The following FGGY variants were observed in gnomAD, a reference collection of about 807,000 sequenced individuals.
The protein encoded by FGGY is FGGY carbohydrate kinase domain-containing protein.
FGGY carries 72 observed loss-of-function variants against 71.3 expected under a neutral mutation model. That is an observed-to-expected ratio of 1.01 (90% CI 0.84 to 1.23). The LOEUF (loss-of-function observed/expected upper bound fraction) is 1.23, where lower values mean the gene tolerates loss of function less well. Ranked by LOEUF, FGGY falls within the 50% of genes most tolerant of loss-of-function variation. The pLI is 0.00. For missense variants in FGGY, 668 were observed against 682.3 expected (o/e 0.98, Z 0.23); for synonymous variants, 251 against 250.3 (o/e 1.00, Z -0.02).
intron 8 of FGGY, among the ~76,000 whole-genome samples, chr1:59,557,996 T>A (rs1473193416): frequency 6.6e-6 from 1 of 152,180 alleles, no homozygotes; most frequent in Admixed American, 6.5e-5. Context: ...TGGTTCTCTA[T>A]CATTGAAGGG....
At chr1:59,473,688 T>C (rs115935755) in intron 6 of FGGY, among the ~76,000 whole-genome samples, 41 of 152,236 alleles carry the variant, frequency 2.7e-4, no homozygotes, top group Admixed American at 5.9e-4. Flanking sequence ...TGATGGAACT[T>C]CTAACTTTCC....
intron 14 of FGGY, among the ~76,000 whole-genome samples, chr1:59,738,205 C>A (rs2098121241): frequency 6.6e-6 from 1 of 152,160 alleles, no homozygotes; most frequent in African/African-American, 2.4e-5. Context: ...GCTGCAAACA[C>A]AAAGAAGCAG....
At chr1:59,726,147 A>AT (rs990822264) in intron 14 of FGGY, among the ~76,000 whole-genome samples, 1 of 151,978 alleles carries the variant, frequency 6.6e-6, no homozygotes, top group Non-Finnish European at 1.5e-5. Context: ...TGATTGTTAG[A>AT]TTTTTTTGAA....
chr1:59,644,066 C>A (rs555766383), intron 11 of FGGY, among the ~76,000 whole-genome samples: 2 of 152,312 alleles, frequency 1.3e-5, no homozygotes, highest in South Asian at 4.1e-4. Flanking sequence ...TGACCACCAA[C>A]CTTGTGGCTT....
intron 14 of FGGY, among the ~76,000 whole-genome samples, chr1:59,736,922 G>T (rs2101105083): frequency 1.3e-5 from 2 of 152,352 alleles, no homozygotes; most frequent in Admixed American, 1.3e-4. Context: ...CAGGCCTGGA[G>T]GCTTAGGAGG....
At chr1:59,712,279 C>T (rs1042197177) in intron 14 of FGGY, among the ~76,000 whole-genome samples, 3 of 152,152 alleles carry the variant, frequency 2.0e-5, no homozygotes, top group African/African-American at 7.2e-5. Context: ...GCAGCTCTGC[C>T]CCTGTGGTTT....
Position 59,762,683 on chromosome 1 carries a change from A to G in FGGY, c.*99A>G. On this transcript the variant is annotated 3_prime_UTR_variant, in exon 16 of 16. Coordinates refer to ENST00000303721, the MANE Select transcript of FGGY (RefSeq NM_018291.5). ...AAGACCCTTGAGGTATTGTTTCATC[A>G]TTTCTGTATTGTCTTTCAATAAAGA... 1.2e-6 allele frequency: 1 copy of G among 833,180 alleles called. No homozygotes were observed. Among genetic ancestry groups the G allele is most frequent in the South Asian group, 1.6e-5 (1 of 61,224 alleles). The allele number at this position is 833,180 out of a possible 1,614,324, so 51.6% of individuals were successfully genotyped here.
chr1:59,518,258 A>G (rs1295004933), intron 7 of FGGY, among the ~76,000 whole-genome samples: 2 of 152,230 alleles, frequency 1.3e-5, no homozygotes, highest in Non-Finnish European at 2.9e-5. Flanking sequence ...GTTCCAGTAA[A>G]CAATAAAACA....
At chr1:59,361,936 G>A (rs1241369656) in intron 4 of FGGY, among the ~76,000 whole-genome samples, 1 of 152,166 alleles carries the variant, frequency 6.6e-6, no homozygotes, top group Non-Finnish European at 1.5e-5. Flanking sequence ...CTCTTGGGTG[G>A]TGGGGGGTGG....
intron 7 of FGGY, among the ~76,000 whole-genome samples, chr1:59,523,663 C>T (rs749591676): frequency 6.6e-6 from 1 of 152,220 alleles, no homozygotes; most frequent in Non-Finnish European, 1.5e-5. Context: ...CATTCAACAG[C>T]AGTCCCCCCA....
chr1:59,672,269 T>C (rs939047862), intron 13 of FGGY, among the ~76,000 whole-genome samples: 6 of 152,226 alleles, frequency 3.9e-5, no homozygotes, highest in Admixed American at 3.9e-4. Flanking sequence ...AGTACATGCA[T>C]AGAGGCTTCA....
intron 14 of FGGY, among the ~76,000 whole-genome samples, chr1:59,698,421 G>A (rs1387725088): frequency 2.0e-5 from 3 of 150,308 alleles, no homozygotes; most frequent in Non-Finnish European, 4.4e-5. Flanking sequence ...AACTACAGAT[G>A]CTTCTTCACA....
At chr1:59,366,677 T>G (rs978464459) in intron 4 of FGGY, among the ~76,000 whole-genome samples, 1 of 152,144 alleles carries the variant, frequency 6.6e-6, no homozygotes, top group African/African-American at 2.4e-5. Flanking sequence ...TTCTTATATC[T>G]CCCAAAACTC....
At chr1:59,723,344 G>A (rs1259745053) in intron 14 of FGGY, among the ~76,000 whole-genome samples, 1 of 152,036 alleles carries the variant, frequency 6.6e-6, no homozygotes, top group Admixed American at 6.6e-5. Context: ...TTGCCACATG[G>A]ATCATTCTAA....
Position 59,680,973 on chromosome 1 carries a change from G to C in FGGY, c.1512+6840G>C, listed in dbSNP as rs531001036. 2.0e-5 allele frequency: 3 copies of C among 152,272 alleles called. No homozygotes were observed. The South Asian group carries it at 6.2e-4, about 32-fold the overall frequency. The allele number at this position is 152,272 out of a possible 1,614,324, so 9.4% of individuals were successfully genotyped here. ...ATTTGTCATCATTGCTTGGTTGAGT[G>C]TCCAACACAGAAATAAAAATAAGCA... On this transcript the variant is annotated intron_variant, in intron 14 of 15. Coordinates refer to ENST00000303721, the MANE Select transcript of FGGY (RefSeq NM_018291.5).
intron 9 of FGGY, among the ~76,000 whole-genome samples, chr1:59,621,459 C>CAAAAAAAAAAAAAA: frequency 1.0e-5 from 1 of 98,802 alleles, no homozygotes; most frequent in Non-Finnish European, 1.9e-5. Flanking sequence ...GCCTCCGTCT[C>CAAAAAAAAAAAAAA]AAAAAAAAAA....
chr1:59,427,489 A>G (rs892796528), intron 5 of FGGY, among the ~76,000 whole-genome samples: 1 of 152,214 alleles, frequency 6.6e-6, no homozygotes, highest in Non-Finnish European at 1.5e-5. Flanking sequence ...ACATTGCTGT[A>G]GCTTAAATTT....
At chr1:59,542,723 C>G (rs1000656421) in intron 7 of FGGY, among the ~76,000 whole-genome samples, 1 of 151,858 alleles carries the variant, frequency 6.6e-6, no homozygotes, top group Non-Finnish European at 1.5e-5. Context: ...CCCAAAGTGC[C>G]GGGATTACAG....
intron 6 of FGGY, among the ~76,000 whole-genome samples, chr1:59,473,146 G>A (rs1440876832): frequency 6.6e-6 from 1 of 152,276 alleles, no homozygotes; most frequent in East Asian, 1.9e-4. Context: ...AAATCTTGCT[G>A]CTGCTCACTC....
Sources: gnomAD v4.1 joint callset for allele counts (sites outside exome capture counted in the v4.1 genomes callset) on GRCh38, gnomAD v4.1.1 for gene constraint, MANE v1.5 for transcripts, NCBI Gene and HGNC (gene_info 2026-07-23, HGNC 2026-07-21) for gene names.